SAMMSON: variants seen among roughly 807,000 people sequenced by gnomAD.
SAMMSON encodes long intergenic non-protein coding RNA 1212.
At chr3:70,051,149 A>G (rs1413301710) in intron 3 of SAMMSON, among the ~76,000 whole-genome samples, 70 of 148,968 alleles carry the variant, frequency 4.7e-4, no homozygotes, top group Non-Finnish European at 8.0e-4. Flanking sequence ...AAAAAAAAAA[A>G]AAAAAAAAAA....
chr3:70,332,667 G>C (rs1575627455), intron 7 of SAMMSON: 1 of 151,792 alleles, frequency 6.6e-6, no homozygotes, highest in Non-Finnish European at 1.5e-5. Context: ...GCACGATCTC[G>C]GCTCACTACA....
chr3:70,416,061 G>A (rs10510997), intron 2 of SAMMSON, among the ~76,000 whole-genome samples: 98,048 of 151,866 alleles, frequency 0.65, 31,835 homozygotes, highest in South Asian at 0.7. Flanking sequence ...ATATAGAGGA[G>A]AATGATAATG....
intron 7 of SAMMSON, among the ~76,000 whole-genome samples, chr3:70,342,314 G>A (rs1396053938): frequency 6.6e-6 from 1 of 152,160 alleles, no homozygotes; most frequent in Non-Finnish European, 1.5e-5. Flanking sequence ...TGTATCTTCA[G>A]TAGCTGCAGT....
intron 4 of SAMMSON, among the ~76,000 whole-genome samples, chr3:70,167,059 ATAC>A (rs991163957): frequency 3.3e-5 from 5 of 152,040 alleles, no homozygotes; most frequent in African/African-American, 9.7e-5. Flanking sequence ...ATTAATTTTA[ATAC>A]TACATTTTAT....
At chr3:70,359,203 T>TA (rs1453560191) in intron 9 of SAMMSON, among the ~76,000 whole-genome samples, 3 of 152,168 alleles carry the variant, frequency 2.0e-5, no homozygotes, top group Non-Finnish European at 4.4e-5. Context: ...TGCCTCTACT[T>TA]ACAGGGACAA....
At chr3:70,077,238 T>G (rs1413792894) in intron 4 of SAMMSON, among the ~76,000 whole-genome samples, 1 of 152,194 alleles carries the variant, frequency 6.6e-6, no homozygotes, top group Non-Finnish European at 1.5e-5. Context: ...GCTTTTCTTT[T>G]TTCTATTCTT....
intron 2 of SAMMSON, among the ~76,000 whole-genome samples, chr3:70,395,601 T>C (rs966547128): frequency 5.3e-5 from 8 of 152,112 alleles, no homozygotes; most frequent in South Asian, 2.1e-4. Context: ...AGAAATCTAC[T>C]TGAGGGCTTG....
At chr3:70,368,406 T>A (rs1702937810) in intron 9 of SAMMSON, among the ~76,000 whole-genome samples, 1 of 151,638 alleles carries the variant, frequency 6.6e-6, no homozygotes, top group Non-Finnish European at 1.5e-5. Context: ...GGAAATATTC[T>A]AAAACATTAA....
intron 7 of SAMMSON, among the ~76,000 whole-genome samples, chr3:70,296,946 G>T (rs1483790625): frequency 6.6e-6 from 1 of 151,686 alleles, no homozygotes; most frequent in Non-Finnish European, 1.5e-5. Flanking sequence ...CTGCCTCTCT[G>T]GTCTAGTTTA....
At chr3:70,238,217 A>T (rs777479567) in intron 4 of SAMMSON, among the ~76,000 whole-genome samples, 5 of 151,858 alleles carry the variant, frequency 3.3e-5, no homozygotes, top group Non-Finnish European at 5.9e-5. Flanking sequence ...GACACTTGAA[A>T]TTAGCATACT....
chr3:70,357,761 T>C (rs1702840369), intron 8 of SAMMSON, among the ~76,000 whole-genome samples: 1 of 152,048 alleles, frequency 6.6e-6, no homozygotes. Flanking sequence ...TAATAACGTG[T>C]TCACAGGGCA....
At chr3:70,268,153 C>G (rs562085746) in intron 6 of SAMMSON, among the ~76,000 whole-genome samples, 1 of 151,272 alleles carries the variant, frequency 6.6e-6, no homozygotes, top group Non-Finnish European at 1.5e-5. Flanking sequence ...CTCCTGCCCC[C>G]ACACATGCAC....
chr3:70,259,397 A>G (rs983208205), intron 6 of SAMMSON, among the ~76,000 whole-genome samples: 2 of 152,074 alleles, frequency 1.3e-5, no homozygotes, highest in African/African-American at 4.8e-5. Flanking sequence ...AATTCCTTGA[A>G]TAAAAATTTA....
intron 4 of SAMMSON, among the ~76,000 whole-genome samples, chr3:70,152,380 TAC>T (rs2067575354): frequency 6.6e-6 from 1 of 152,056 alleles, no homozygotes; most frequent in Non-Finnish European, 1.5e-5. Context: ...TAAACCAATG[TAC>T]AAGTTGAGTG....
chr3:70,235,482 T>C (rs577590302), intron 4 of SAMMSON, among the ~76,000 whole-genome samples: 1 of 152,340 alleles, frequency 6.6e-6, no homozygotes, highest in South Asian at 2.1e-4. Context: ...TAAATAATTG[T>C]TGAATGAATG....
Position 70,363,447 on chromosome 3 carries a change from A to C in SAMMSON, n.913+5123A>C, listed in dbSNP as rs75326238. Among the ~76,000 whole-genome samples, 735 of 152,074 alleles carry C rather than the reference A, an allele frequency of 4.8e-3. 27 individuals are homozygous for C. The East Asian group carries it at 0.084, about 17-fold the overall frequency. ...AAAAACCTAAAGACTCACACACACA[A>C]AAAAAACCCTCTTAAAACTGGTAAA... On this transcript the variant is annotated intron_variant and non_coding_transcript_variant, in intron 9 of 9. Coordinates refer to ENST00000642114, the Ensembl canonical transcript of SAMMSON.
rs116595272 is a variant in SAMMSON at position 70,220,926 on chromosome 3, G to A, written n.508-28181G>A. 6.5e-3 allele frequency among the ~76,000 whole-genome samples: 982 copies of A among 152,230 alleles called. 7 individuals carry two copies. The highest frequency in any genetic ancestry group is 0.023 in the African/African-American group (935 of 41,538). On this transcript the variant is annotated intron_variant and non_coding_transcript_variant, in intron 4 of 9. Coordinates refer to ENST00000642114, the Ensembl canonical transcript of SAMMSON. ...ATTCCTGAGCTTAGCACAGGGCTTG[G>A]CGTAAAGGGTGAATGAATGTAGTAG...
At chr3:70,028,727 C>G (rs1429760407) in intron 3 of SAMMSON, among the ~76,000 whole-genome samples, 1 of 152,180 alleles carries the variant, frequency 6.6e-6, no homozygotes, top group African/African-American at 2.4e-5. Context: ...GGGGATGAAG[C>G]CTCTCCAAAT....
intron 4 of SAMMSON, among the ~76,000 whole-genome samples, chr3:70,217,929 G>T (rs1701430576): frequency 6.6e-6 from 1 of 152,138 alleles, no homozygotes; most frequent in African/African-American, 2.4e-5. Flanking sequence ...ATGTAGGATA[G>T]AAATAAGATG....
Sources: gnomAD v4.1 joint callset for allele counts (sites outside exome capture counted in the v4.1 genomes callset) on GRCh38, gnomAD v4.1.1 for gene constraint, MANE v1.5 for transcripts, NCBI Gene and HGNC (gene_info 2026-07-23, HGNC 2026-07-21) for gene names.